Variants in ADAMTSL1 observed in about 807,000 individuals in gnomAD.
The protein encoded by ADAMTSL1 is ADAMTS like 1, also known as ADAMTS-like protein 1.
In ADAMTSL1, 126 loss-of-function variants were observed where a neutral mutation model predicts 201.8. The ratio of observed to expected loss-of-function variants is 0.62; its 90% CI spans 0.54 to 0.72. The LOEUF is 0.72. Among genes scored for constraint, ADAMTSL1 ranks in the 30% least tolerant of loss-of-function variants. ADAMTSL1 has a pLI of 0.00. For synonymous variants in ADAMTSL1, 1,121 were observed against 903.4 expected (o/e 1.24, Z -4.32); for missense variants, 2,679 against 2,277.8 (o/e 1.18, Z -3.59).
intron 2 of ADAMTSL1, among the ~76,000 whole-genome samples, chr9:18,277,615 G>A (rs1433775840): frequency 1.3e-5 from 2 of 152,098 alleles, no homozygotes; most frequent in Non-Finnish European, 2.9e-5. Flanking sequence ...TTTGTTACCA[G>A]TTACATGGGC....
intron 23 of ADAMTSL1, among the ~76,000 whole-genome samples, chr9:18,877,109 GCTGT>G (rs981107261): frequency 1.7e-4 from 26 of 151,884 alleles, no homozygotes; most frequent in African/African-American, 6.0e-4. Context: ...TTTTATTTAT[GCTGT>G]CTATTTCTCT....
At chr9:17,984,376 CT>C (rs1272596001) in intron 1 of ADAMTSL1, among the ~76,000 whole-genome samples, 9 of 152,204 alleles carry the variant, frequency 5.9e-5, no homozygotes, top group Non-Finnish European at 8.8e-5. Context: ...GTTTGATTAA[CT>C]ACTAAATGGG....
At chr9:18,275,695 T>A (rs911165589) in intron 2 of ADAMTSL1, among the ~76,000 whole-genome samples, 30 of 152,328 alleles carry the variant, frequency 2.0e-4, no homozygotes, top group Non-Finnish European at 3.7e-4. Flanking sequence ...AGTAGTCTAT[T>A]CCTTCGTATT....
At chr9:18,053,751 T>TG (rs1822046362) in intron 1 of ADAMTSL1, among the ~76,000 whole-genome samples, 1 of 152,146 alleles carries the variant, frequency 6.6e-6, no homozygotes, top group Non-Finnish European at 1.5e-5. Flanking sequence ...AGGCTCCGAG[T>TG]TTACTGAGCA....
At chr9:18,428,151 T>C (rs775077509) in intron 2 of ADAMTSL1, among the ~76,000 whole-genome samples, 1 of 152,318 alleles carries the variant, frequency 6.6e-6, no homozygotes, top group South Asian at 2.1e-4. Context: ...CAAAATTCAA[T>C]AGGCATTTAT....
rs1829325004 is a variant in ADAMTSL1, at chr9:18,892,242, C to T, written c.4644-147C>T. 5.5e-6 allele frequency: 4 copies of T among 730,044 alleles called. No individual in the cohort carries two copies. The East Asian group carries it at 1.1e-4, about 20-fold the overall frequency. 45.2% of individuals were successfully genotyped at this position (730,044 alleles called of 1,614,324 possible). ...ATCTTTTGGAGGAGTCATTTTTCAG[C>T]CTATCAATCATCTTTCCAAGTAAAT... On this transcript the variant is annotated intron_variant, in intron 25 of 28. Transcript: ENST00000380548.
intron 2 of ADAMTSL1, among the ~76,000 whole-genome samples, chr9:18,454,008 A>G (rs191311955): frequency 2.1e-4 from 32 of 152,362 alleles, no homozygotes; most frequent in Admixed American, 1.8e-3. Flanking sequence ...ATATCTGCCT[A>G]TAGATAGACA....
intron 2 of ADAMTSL1, among the ~76,000 whole-genome samples, chr9:18,366,627 A>ATTTTTTTTTTTTTTT (rs772034324): frequency 1.8e-5 from 2 of 112,800 alleles, no homozygotes; most frequent in Non-Finnish European, 1.8e-5. Context: ...GAAATCACTA[A>ATTTTTTTTTTTTTTT]TTTTTTTTTT....
chr9:18,879,102 C>A (rs1828362291), intron 23 of ADAMTSL1, among the ~76,000 whole-genome samples: 1 of 152,130 alleles, frequency 6.6e-6, no homozygotes, highest in African/African-American at 2.4e-5. Flanking sequence ...ATATGTCAAC[C>A]CAAGCAATAT....
chr9:18,566,967 C>T (rs1336387023), intron 3 of ADAMTSL1, among the ~76,000 whole-genome samples: 1 of 152,120 alleles, frequency 6.6e-6, no homozygotes, highest in Non-Finnish European at 1.5e-5. Context: ...AAATATGGCT[C>T]TAAGGCAGTG....
intron 25 of ADAMTSL1, among the ~76,000 whole-genome samples, chr9:18,890,038 C>G (rs1010411244): frequency 2.0e-5 from 3 of 152,102 alleles, no homozygotes; most frequent in African/African-American, 7.2e-5. Context: ...CAGGCCCTGG[C>G]AAGCCATAGA....
At chr9:18,213,693 T>G (rs1255580933) in intron 2 of ADAMTSL1, among the ~76,000 whole-genome samples, 1 of 152,160 alleles carries the variant, frequency 6.6e-6, no homozygotes, top group Admixed American at 6.5e-5. Context: ...ACCTCAGAGA[T>G]AGAGGAAGTT....
At chr9:18,227,594 G>T (rs988401350) in intron 2 of ADAMTSL1, among the ~76,000 whole-genome samples, 1 of 152,124 alleles carries the variant, frequency 6.6e-6, no homozygotes, top group Non-Finnish European at 1.5e-5. Flanking sequence ...TTTGTCCCCA[G>T]AATTGGCAGC....
chr9:18,433,571 T>C (rs1195241860), intron 2 of ADAMTSL1, among the ~76,000 whole-genome samples: 3 of 152,182 alleles, frequency 2.0e-5, no homozygotes, highest in South Asian at 4.1e-4. Context: ...AAGATGGTGA[T>C]ATACCTGAGC....
At chr9:18,156,251 C>T (rs1337288579) in intron 1 of ADAMTSL1, among the ~76,000 whole-genome samples, 2 of 151,982 alleles carry the variant, frequency 1.3e-5, no homozygotes, top group Non-Finnish European at 1.5e-5. Context: ...AGATAACAGA[C>T]TCCTCTGTGG....
chr9:18,686,152 C>T (rs1045053783), intron 13 of ADAMTSL1, among the ~76,000 whole-genome samples: 1 of 152,158 alleles, frequency 6.6e-6, no homozygotes, highest in African/African-American at 2.4e-5. Flanking sequence ...AACTCCTGAC[C>T]TCAAGCAATC....
chr9:18,878,541 TCTC>T (rs1828317710), intron 23 of ADAMTSL1, among the ~76,000 whole-genome samples: 1 of 152,186 alleles, frequency 6.6e-6, no homozygotes. Context: ...GTCAAATCCT[TCTC>T]CTGTGATCTA....
intron 16 of ADAMTSL1, among the ~76,000 whole-genome samples, chr9:18,763,841 T>A (rs1164655543): frequency 6.6e-6 from 1 of 152,210 alleles, no homozygotes; most frequent in African/African-American, 2.4e-5. Context: ...TCCATTGGTC[T>A]ATATGTCTGT....
rs1243614861 is a variant in ADAMTSL1, at chr9:17,951,812, GT to G, written c.87+44897del. On this transcript the variant is annotated intron_variant, in intron 1 of 29. Coordinates refer to the ADAMTSL1 transcript ENST00000680146. The stretch of plus-strand genomic sequence containing the variant: ...GTATTTTATGTAGTCAAAGTTATCA[GT>G]TTTTTTCTTTTTTCTGTTTTTAGAG... Among the ~76,000 whole-genome samples, 9 of 151,894 alleles carry G rather than the reference GT, an allele frequency of 5.9e-5. 1 individual carries two copies. In the South Asian group the frequency reaches 1.7e-3, roughly 28 times the overall value.
Sources: gnomAD v4.1 joint callset for allele counts (sites outside exome capture counted in the v4.1 genomes callset) on GRCh38, gnomAD v4.1.1 for gene constraint, MANE v1.5 for transcripts, NCBI Gene and HGNC (gene_info 2026-07-23, HGNC 2026-07-21) for gene names.